ABHD17C: variants seen among roughly 807,000 people sequenced by gnomAD.
ABHD17C encodes alpha/beta hydrolase domain-containing protein 17C.
Under a neutral mutation model 27.9 loss-of-function variants are expected in ABHD17C, and 11 were observed. The observed-to-expected ratio is 0.39, with a 90% CI of 0.25 to 0.65. The LOEUF (loss-of-function observed/expected upper bound fraction) is 0.65, where lower values mean the gene tolerates loss of function less well. Ranked by LOEUF, ABHD17C falls within the 30% of genes least tolerant of loss-of-function variation. The pLI, the probability that ABHD17C is intolerant of heterozygous loss-of-function variation, is 0.45. For missense variants in ABHD17C, 280 were observed against 470.2 expected (o/e 0.60, Z 3.74); for synonymous variants, 233 against 209.1 (o/e 1.11, Z -0.98).
chr15:80,727,975 AG>A (rs1458695482), intron 1 of ABHD17C, among the ~76,000 whole-genome samples: 1 of 151,932 alleles, frequency 6.6e-6, no homozygotes, highest in African/African-American at 2.4e-5. Context: ...CTCTGCACAG[AG>A]GGGCTTAGCT....
intron 1 of ABHD17C, among the ~76,000 whole-genome samples, chr15:80,713,037 A>G (rs1894748080): frequency 6.6e-6 from 1 of 151,996 alleles, no homozygotes; most frequent in Admixed American, 6.6e-5. Context: ...CAGCATCTAC[A>G]GTTCCACTCA....
At chr15:80,722,322 T>C (rs889462641) in intron 1 of ABHD17C, among the ~76,000 whole-genome samples, 3 of 103,550 alleles carry the variant, frequency 2.9e-5, no homozygotes, top group African/African-American at 1.2e-4. Flanking sequence ...CAAAGGAATC[T>C]TTTTTTTTTT....
chr15:80,705,333 TTGTGTG>T (rs1555421862), intron 1 of ABHD17C, among the ~76,000 whole-genome samples: 2 of 106,822 alleles, frequency 1.9e-5, no homozygotes, highest in Admixed American at 9.9e-5. Context: ...TTCCTATGAT[TTGTGTG>T]TGTGTGTGTG....
rs67320992 is a variant in ABHD17C at position 80,713,354 on chromosome 15, CTTTTTTTTTTT to C, written c.590+17353_590+17363del. 4.6e-4 allele frequency among the ~76,000 whole-genome samples: 20 copies of C among 43,844 alleles called. No homozygotes were observed. The East Asian group carries it at 0.012, about 26-fold the overall frequency. The allele number at this position is 43,844 out of a possible 152,430, so 28.8% of individuals were successfully genotyped here. The stretch of plus-strand genomic sequence containing the variant: ...GAAGGAAAGCCACTGAGGTCTTGTT[CTTTTTTTTTTT>C]TTTTTTTTTTTTTTTTTCAAAATCA... On this transcript the variant is annotated intron_variant, in intron 1 of 2. Transcript: ENST00000258884.
intron 1 of ABHD17C, among the ~76,000 whole-genome samples, chr15:80,708,367 G>GT (rs1355928097): frequency 6.6e-6 from 1 of 152,116 alleles, no homozygotes; most frequent in Non-Finnish European, 1.5e-5. Context: ...CCAGGCTGGA[G>GT]TACAGTGGCA....
intron 1 of ABHD17C, among the ~76,000 whole-genome samples, chr15:80,726,676 C>T (rs903364017): frequency 8.6e-5 from 13 of 151,796 alleles, no homozygotes; most frequent in African/African-American, 1.7e-4. Context: ...CCACACCCAG[C>T]GAATTTTTTG....
intron 1 of ABHD17C, among the ~76,000 whole-genome samples, chr15:80,705,501 A>G (rs1894635804): frequency 6.6e-6 from 1 of 152,146 alleles, no homozygotes; most frequent in Admixed American, 6.5e-5. Flanking sequence ...CATAGCTGCA[A>G]CCACCTTGTC....
intron 1 of ABHD17C, among the ~76,000 whole-genome samples, chr15:80,730,009 C>T (rs1317885387): frequency 6.6e-6 from 1 of 152,078 alleles, no homozygotes; most frequent in Non-Finnish European, 1.5e-5. Context: ...ATCCCAGCCA[C>T]TCAGGAGGCT....
chr15:80,707,189 C>T (rs1472712038), intron 1 of ABHD17C, among the ~76,000 whole-genome samples: 1 of 152,102 alleles, frequency 6.6e-6, no homozygotes, highest in African/African-American at 2.4e-5. Flanking sequence ...GGTGCATATT[C>T]TTATATATCT....
intron 1 of ABHD17C, among the ~76,000 whole-genome samples, chr15:80,716,436 G>C (rs1352272648): frequency 2.0e-5 from 3 of 152,164 alleles, no homozygotes; most frequent in East Asian, 1.9e-4. Context: ...TTGCCAGTCT[G>C]TAGGTCCCCC....
At chr15:80,716,499 G>C (rs1031452494) in intron 1 of ABHD17C, among the ~76,000 whole-genome samples, 1 of 152,146 alleles carries the variant, frequency 6.6e-6, no homozygotes, top group African/African-American at 2.4e-5. Flanking sequence ...AGGGGGCCCT[G>C]GCAATAGAAG....
At chr15:80,747,854 C>T (rs559889173) in intron 1 of ABHD17C, among the ~76,000 whole-genome samples, 1 of 152,144 alleles carries the variant, frequency 6.6e-6, no homozygotes, top group Non-Finnish European at 1.5e-5. Flanking sequence ...TGCCGGATCT[C>T]CCAGCTTCCT....
intron 1 of ABHD17C, among the ~76,000 whole-genome samples, chr15:80,722,321 CTT>C (rs397964136): frequency 3.8e-4 from 40 of 105,040 alleles, no homozygotes; most frequent in South Asian, 1.2e-3. Flanking sequence ...CCAAAGGAAT[CTT>C]TTTTTTTTTT....
chr15:80,749,570 C>A lies in ABHD17C; in HGVS notation c.648C>A (p.Pro216=). ...ATGGTCAGAGCATTGGGACTGTCCCCACGGTAGACTTGGCCTCGAGGTATG... is the reference window on the plus strand; with the variant it reads ...ATGGTCAGAGCATTGGGACTGTCCCAACGGTAGACTTGGCCTCGAGGTATG... ...ILYGQSIGTV[P]TVDLASRYEC... Residue 216 remains proline (P), a synonymous_variant, in exon 2 of 3, where the codon CCC becomes CCA. Coordinates refer to ENST00000258884, the MANE Select transcript of ABHD17C (RefSeq NM_021214.2). The A allele has an allele frequency of 6.2e-7, 1 of 1,613,954 alleles. No homozygotes were observed. The highest frequency in any genetic ancestry group is 8.5e-7 in the Non-Finnish European group (1 of 1,179,874).
intron 1 of ABHD17C, among the ~76,000 whole-genome samples, chr15:80,740,291 A>T (rs1205745326): frequency 6.6e-6 from 1 of 152,150 alleles, no homozygotes; most frequent in African/African-American, 2.4e-5. Context: ...GGGAAGAAAC[A>T]CATGTCCCAA....
chr15:80,739,224 T>C (rs1470851546), intron 1 of ABHD17C, among the ~76,000 whole-genome samples: 2 of 152,194 alleles, frequency 1.3e-5, no homozygotes, highest in Non-Finnish European at 2.9e-5. Context: ...CCTTCAAAGG[T>C]AGAGAAGCCT....
intron 1 of ABHD17C, among the ~76,000 whole-genome samples, chr15:80,700,857 C>T (rs117422098): frequency 0.1 from 15,547 of 152,132 alleles, 1,039 homozygotes; most frequent in South Asian, 0.18. Flanking sequence ...GCTGTGATTG[C>T]GCCACTGCTC....
intron 1 of ABHD17C, among the ~76,000 whole-genome samples, chr15:80,726,916 T>C (rs990936164): frequency 1.1e-4 from 16 of 152,240 alleles, no homozygotes; most frequent in African/African-American, 3.9e-4. Flanking sequence ...TTATAAACTT[T>C]ATAAAATCTT....
intron 1 of ABHD17C, among the ~76,000 whole-genome samples, chr15:80,702,335 C>CA (rs1442828680): frequency 6.6e-6 from 1 of 151,830 alleles, no homozygotes; most frequent in Non-Finnish European, 1.5e-5. Flanking sequence ...CTTGTCTCTA[C>CA]AAAAAATAAA....
Sources: gnomAD v4.1 joint callset for allele counts (sites outside exome capture counted in the v4.1 genomes callset) on GRCh38, gnomAD v4.1.1 for gene constraint, MANE v1.5 for transcripts, NCBI Gene and HGNC (gene_info 2026-07-23, HGNC 2026-07-21) for gene names.